ATP8A2: variants seen among roughly 807,000 people sequenced by gnomAD.
ATP8A2 encodes phospholipid-transporting ATPase IB.
In ATP8A2, 100 loss-of-function variants were observed where a neutral mutation model predicts 165.6. That is an observed-to-expected ratio of 0.60 (90% CI 0.51 to 0.71). The LOEUF is 0.71. Ranked by LOEUF, ATP8A2 falls within the 30% of genes least tolerant of loss-of-function variation. The pLI, the probability that ATP8A2 is intolerant of heterozygous loss-of-function variation, is 0.00. For synonymous variants in ATP8A2, 543 were observed against 548.8 expected, an observed-to-expected ratio of 0.99 and a Z score of 0.15; for missense variants, 1,227 against 1,479.5, an observed-to-expected ratio of 0.83 and a Z score of 2.80.
chr13:25,849,777 C>A (rs568708187), intron 30 of ATP8A2, among the ~76,000 whole-genome samples: 1 of 152,328 alleles, frequency 6.6e-6, no homozygotes, highest in Admixed American at 6.5e-5. Flanking sequence ...AGAACAGACT[C>A]ACCTGCTGCC....
chr13:25,510,643 T>G (rs2037196548), intron 2 of ATP8A2, among the ~76,000 whole-genome samples: 1 of 152,196 alleles, frequency 6.6e-6, no homozygotes, highest in South Asian at 2.1e-4. Context: ...TTATCCATGA[T>G]CTAGGTGTCA....
chr13:25,835,532 G>A (rs189142519), intron 28 of ATP8A2, among the ~76,000 whole-genome samples: 1 of 152,136 alleles, frequency 6.6e-6, no homozygotes, highest in African/African-American at 2.4e-5. Flanking sequence ...ATTCCCACAG[G>A]CCTGAGAGCT....
At chr13:25,384,611 T>C (rs2032973521) in intron 1 of ATP8A2, among the ~76,000 whole-genome samples, 1 of 152,198 alleles carries the variant, frequency 6.6e-6, no homozygotes, top group Non-Finnish European at 1.5e-5. Flanking sequence ...GTTCATAGTA[T>C]CTATCAAGTT....
At chr13:25,677,612 T>C (rs962849904) in intron 24 of ATP8A2, among the ~76,000 whole-genome samples, 3 of 152,122 alleles carry the variant, frequency 2.0e-5, no homozygotes, top group African/African-American at 7.2e-5. Context: ...ACATGAAGAT[T>C]AATTTGAGGA....
chr13:25,372,275 C>G lies in ATP8A2; in HGVS notation c.63C>G (p.Ile21Met). The change falls in exon 1 of 37, where the codon ATC becomes ATG. Residue 21 changes from isoleucine to methionine, a missense_variant. Ile to Met is a conservative substitution (Grantham distance 10). Coordinates refer to ENST00000381655, the MANE Select transcript of ATP8A2 (RefSeq NM_016529.6). This position sits in a 1 kb window ranked among gnomAD's most constrained non-coding sequence, Gnocchi z 4.8. ...TGTCCCTGCCGCGGAGGTCGAGGAT[C>G]CGCTCGTCCGTGGGTGAGCTGGGAG... ...LKMSLPRRSR[I>M]RSSVGPVRSS... The G allele has an allele frequency of 4.7e-6, 7 of 1,476,732 alleles. No homozygotes were observed. The highest frequency in any genetic ancestry group is 6.3e-6 in the Non-Finnish European group (7 of 1,110,804). 91.5% of individuals were successfully genotyped at this position (1,476,732 alleles called of 1,614,324 possible).
At chr13:25,453,872 G>T (rs2035292850) in intron 1 of ATP8A2, among the ~76,000 whole-genome samples, 1 of 152,134 alleles carries the variant, frequency 6.6e-6, no homozygotes, top group Admixed American at 6.5e-5. Flanking sequence ...AGTGAATTTG[G>T]GTACAGATCT....
At chr13:25,946,653 T>C (rs1593605972) in intron 33 of ATP8A2, among the ~76,000 whole-genome samples, 1 of 152,220 alleles carries the variant, frequency 6.6e-6, no homozygotes, top group Non-Finnish European at 1.5e-5. Context: ...ATGTATCCTG[T>C]GGCATTACAT....
chr13:25,716,576 T>A (rs552262863), intron 25 of ATP8A2, among the ~76,000 whole-genome samples: 4 of 152,342 alleles, frequency 2.6e-5, no homozygotes, highest in Admixed American at 2.6e-4. Context: ...GAAGAGACAG[T>A]CTTTTCCTTT....
rs141211520 is a variant in ATP8A2, at chr13:25,676,484, G to A, written c.2212-22689G>A. Among the ~76,000 whole-genome samples, 215 of 152,188 alleles carry A rather than the reference G, an allele frequency of 1.4e-3. 2 individuals carry two copies. The highest frequency in any genetic ancestry group is 0.012 in the South Asian group (56 of 4,824). ...ATCTAATTGAGTTCTGAGACCACAC[G>A]TGAACTCTGCCTCAGGACATTGCAG... On this transcript the variant is annotated intron_variant, in intron 24 of 36. Transcript: ENST00000381655.
At chr13:25,692,789 A>G (rs1250250023) in intron 24 of ATP8A2, among the ~76,000 whole-genome samples, 2 of 152,198 alleles carry the variant, frequency 1.3e-5, no homozygotes, top group Non-Finnish European at 2.9e-5. Context: ...TGACCTTGCT[A>G]AGAAATGTGA....
chr13:25,786,047 GTAAAATGTAATTATTTAT>G (rs1370526097), intron 27 of ATP8A2, among the ~76,000 whole-genome samples: 2 of 152,174 alleles, frequency 1.3e-5, no homozygotes, highest in African/African-American at 4.8e-5. Flanking sequence ...ATGTATGCAA[GTAAAATGTAATTATTTAT>G]GAGAATGCAA....
intron 33 of ATP8A2, among the ~76,000 whole-genome samples, chr13:25,894,426 T>TG (rs2138915056): frequency 6.6e-6 from 1 of 152,366 alleles, no homozygotes; most frequent in East Asian, 1.9e-4. Flanking sequence ...ATTGCTGTTT[T>TG]GGTTACTGTA....
chr13:25,749,623 G>C (rs989742092), intron 25 of ATP8A2, among the ~76,000 whole-genome samples: 6 of 152,136 alleles, frequency 3.9e-5, no homozygotes, highest in African/African-American at 1.4e-4. Flanking sequence ...CAGAGCTTAG[G>C]CTGTTCCTGG....
chr13:25,540,006 T>TCTGAC (rs1422188354), intron 7 of ATP8A2, among the ~76,000 whole-genome samples: 2 of 152,184 alleles, frequency 1.3e-5, no homozygotes, highest in African/African-American at 4.8e-5. Context: ...AGTGGTTGGG[T>TCTGAC]CTGACTGGGG....
At chr13:25,680,304 A>G (rs887010558) in intron 24 of ATP8A2, among the ~76,000 whole-genome samples, 1 of 152,198 alleles carries the variant, frequency 6.6e-6, no homozygotes, top group African/African-American at 2.4e-5. Flanking sequence ...GGAGATCACC[A>G]TGCGATGATG....
intron 21 of ATP8A2, 41 bp from the exon 22 acceptor site, chr13:25,579,767 C>T (rs752017688): frequency 2.7e-5 from 43 of 1,606,528 alleles, no homozygotes; most frequent in South Asian, 2.2e-4. Flanking sequence ...TAGGAGGTCA[C>T]GCGTTCTGCC....
intron 24 of ATP8A2, among the ~76,000 whole-genome samples, chr13:25,638,838 G>A (rs187545527): frequency 3.3e-5 from 5 of 152,190 alleles, no homozygotes; most frequent in Admixed American, 1.3e-4. Context: ...AGGAAAAAAT[G>A]TTAAGGGCAG....
intron 1 of ATP8A2, among the ~76,000 whole-genome samples, chr13:25,416,030 G>A (rs1266268405): frequency 1.3e-5 from 2 of 152,150 alleles, no homozygotes; most frequent in Non-Finnish European, 2.9e-5. Flanking sequence ...GTCTTACTAT[G>A]TTGCCTGGGC....
intron 2 of ATP8A2, among the ~76,000 whole-genome samples, chr13:25,482,060 C>T (rs1431423169): frequency 2.0e-5 from 3 of 152,128 alleles, no homozygotes; most frequent in East Asian, 1.9e-4. Flanking sequence ...CATAGAATTA[C>T]GTTGGGACAC....
Sources: allele counts gnomAD v4.1 joint callset (sites outside exome capture counted in the v4.1 genomes callset), GRCh38; gene constraint gnomAD v4.1.1; non-coding constraint Gnocchi (gnomAD v3.1); transcripts MANE v1.5; gene names NCBI Gene and HGNC (gene_info 2026-07-23, HGNC 2026-07-21).